The following AKR1B15 variants were observed in gnomAD, a reference collection of about 807,000 sequenced individuals.
AKR1B15 encodes aldo-keto reductase family 1 member B15, also known as estradiol 17-beta-dehydrogenase AKR1B15.
In AKR1B15, 49 loss-of-function variants were observed where a neutral mutation model predicts 38.5. The ratio of observed to expected loss-of-function variants is 1.27; its 90% CI spans 1.01 to 1.62. AKR1B15 has a LOEUF of 1.62. Among genes scored for constraint, AKR1B15 ranks in the 40% most tolerant of loss-of-function variants. The probability of loss-of-function intolerance (pLI) is 0.00; values close to 1 mark genes in which losing one functional copy is unlikely to be tolerated. For synonymous variants in AKR1B15, 137 were observed against 135.5 expected, an observed-to-expected ratio of 1.01 and a Z score of -0.08; for missense variants, 411 against 381.6, an observed-to-expected ratio of 1.08 and a Z score of -0.64.
intron 2 of AKR1B15, 55 bp from the exon 3 acceptor site, chr7:134,564,543 T>A: frequency 3.2e-6 from 2 of 617,892 alleles, no homozygotes; most frequent in Admixed American, 5.0e-5. Context: ...ATCTTGCTAT[T>A]ACTCACCTTT....
intron 6 of AKR1B15, 51 bp downstream of exon 6, chr7:134,571,732 C>T: frequency 7.2e-7 from 1 of 1,395,754 alleles, no homozygotes; most frequent in Non-Finnish European, 1.0e-6. Context: ...CTCAGTTATC[C>T]ATGAGATTCC....
intron 2 of AKR1B15, among the ~76,000 whole-genome samples, chr7:134,562,874 CTTT>C (rs1562947065): frequency 2.1e-4 from 29 of 138,954 alleles, no homozygotes; most frequent in East Asian, 1.6e-3. Flanking sequence ...TTCTTTCTTT[CTTT>C]CTTTCTTTCT....
chr7:134,565,290 GAAACTCCAGACACATCTGAAGGAAC>G, intron 3 of AKR1B15: 2 of 909,970 alleles, frequency 2.2e-6, no homozygotes, highest in Non-Finnish European at 1.6e-6. Flanking sequence ...CCAGAAGGGA[GAAACTCCAGACACATCTGAAGGAAC>G]AAACTCCAGA....
intron 6 of AKR1B15, among the ~76,000 whole-genome samples, chr7:134,572,687 A>T (rs1371003189): frequency 6.6e-6 from 1 of 152,006 alleles, no homozygotes; most frequent in African/African-American, 2.4e-5. Context: ...TGCTTCTCAG[A>T]TCAAACCCAT....
At chr7:134,576,750 T>A (rs1794775503) in intron 9 of AKR1B15, among the ~76,000 whole-genome samples, 1 of 151,644 alleles carries the variant, frequency 6.6e-6, no homozygotes, top group African/African-American at 2.4e-5. Flanking sequence ...CTTTCTTCAT[T>A]CCTAAAAAAG....
intron 10 of AKR1B15, among the ~76,000 whole-genome samples, chr7:134,577,397 G>A (rs893578703): frequency 6.6e-6 from 1 of 152,184 alleles, no homozygotes; most frequent in Non-Finnish European, 1.5e-5. Context: ...GAGGAGGTGT[G>A]AACTGTCCTT....
chr7:134,562,706 C>G (rs998011835), intron 2 of AKR1B15, among the ~76,000 whole-genome samples: 1 of 152,140 alleles, frequency 6.6e-6, no homozygotes, highest in Non-Finnish European at 1.5e-5. Context: ...GGCTACACCT[C>G]TCACCACCAC....
chr7:134,565,281 C>T, intron 3 of AKR1B15: 1 of 834,998 alleles, frequency 1.2e-6, no homozygotes, highest in Non-Finnish European at 1.8e-6. Flanking sequence ...ACAAACCCAC[C>T]AGAAGGGAGA....
chr7:134,575,840 T>C lies in AKR1B15; in HGVS notation c.656T>C (p.Leu219Pro). 6.2e-7 allele frequency: 1 copy of C among 1,613,806 alleles called. No homozygotes were observed. The highest frequency in any genetic ancestry group is 1.1e-5 in the South Asian group (1 of 91,066). Residue 219 changes from leucine to proline, a missense_variant, in exon 8 of 12, where the codon CTC (leucine) becomes CCC (proline). By Grantham distance (98) the Leu-to-Pro change is moderately conservative (BLOSUM62 -3). Around this residue, in one of 3 missense-constraint regions of AKR1B15, gnomAD observed 24 missense variants for 48.9 expected, o/e 0.49. Coordinates refer to ENST00000457545, the MANE Select transcript of AKR1B15 (RefSeq NM_001080538.3). ...TTGCAGGTTGAGTGTCACCCATACC[T>C]CACGCAGGAGAAACTGATCCAGTAC... ...VTNQVECHPY[L>P]TQEKLIQYCH...
At chr7:134,577,606 T>A in intron 10 of AKR1B15, 98 bp from the exon 11 acceptor site, 2 of 1,374,092 alleles carry the variant, frequency 1.5e-6, no homozygotes, top group South Asian at 1.3e-5. Context: ...CAGTTTGTGC[T>A]GTGAATGTGA....
Position 134,576,989 on chromosome 7 carries a change from G to T in AKR1B15, c.852G>T (p.Arg284Ser), listed in dbSNP as rs759907063. 3.7e-6 allele frequency: 6 copies of T among 1,613,800 alleles called. No homozygotes were observed. The South Asian group carries it at 6.6e-5, about 18-fold the overall frequency. Residue 284 changes from arginine to serine, a missense_variant, in exon 10 of 12, where the codon AGG (arginine) becomes AGT (serine). By Grantham distance (110) the Arg-to-Ser change is moderately radical (BLOSUM62 -1). This residue lies in a region of AKR1B15 where 133 missense variants were observed against 120.3 expected (regional missense o/e 1.11). Transcript: ENST00000457545. ...TTCTGATCCGTTTCCATATCCAGAGGAATGTGACAGTGATCCCCAAGTCTA... is the reference window on the plus strand; with the variant it reads ...TTCTGATCCGTTTCCATATCCAGAGTAATGTGACAGTGATCCCCAAGTCTA... ...AQVLIRFHIQRNVTVIPKSMT... is the reference protein window; with the variant it reads ...AQVLIRFHIQSNVTVIPKSMT...
intron 2 of AKR1B15, among the ~76,000 whole-genome samples, chr7:134,561,618 C>T (rs1238304541): frequency 1.3e-5 from 2 of 152,156 alleles, no homozygotes; most frequent in Admixed American, 6.5e-5. Context: ...TATGAGCTGT[C>T]GTAAGCCACA....
intron 6 of AKR1B15, 42 bp from the exon 7 acceptor site, chr7:134,575,378 G>A: frequency 6.2e-7 from 1 of 1,602,294 alleles, no homozygotes; most frequent in African/African-American, 1.3e-5. Flanking sequence ...GGTCCCTGTA[G>A]TCCCTCTAGA....
chr7:134,573,779 A>G (rs568535595), intron 6 of AKR1B15, among the ~76,000 whole-genome samples: 1 of 152,220 alleles, frequency 6.6e-6, no homozygotes, highest in Non-Finnish European at 1.5e-5. Flanking sequence ...AATCTATGCT[A>G]GTGGTTCTCA....
chr7:134,550,903 C>G (rs1793944885), intron 1 of AKR1B15, among the ~76,000 whole-genome samples: 1 of 152,166 alleles, frequency 6.6e-6, no homozygotes, highest in African/African-American at 2.4e-5. Context: ...CACAGCTGTT[C>G]AGGCTGTGTG....
intron 3 of AKR1B15, among the ~76,000 whole-genome samples, chr7:134,567,089 T>C (rs1182872692): frequency 6.6e-6 from 1 of 152,174 alleles, no homozygotes; most frequent in Admixed American, 6.5e-5. Context: ...GTATAGCGGT[T>C]GGGGTCACAG....
At position 134,568,252 on chromosome 7, in the gene AKR1B15, AG is replaced by A. The variant is rs1794586670; in HGVS notation, c.247del (p.Val83TrpfsTer14). ...DCAYFYENQHEVGEAIQEKIQ... is the reference protein window; with the variant it reads ...DCAYFYENQHXVGEAIQEKIQ... ...GCCTATTTCTATGAGAATCAACATGAGGTGGGAGAAGCCATCCAAGAGAAGA... is the reference window on the plus strand; with the variant it reads ...GCCTATTTCTATGAGAATCAACATGAGTGGGAGAAGCCATCCAAGAGAAGA... On this transcript the variant is annotated frameshift_variant, in exon 4 of 12. Transcript: ENST00000457545. LOFTEE classifies it high-confidence loss of function. 2 of 1,614,030 alleles carry A rather than the reference AG, an allele frequency of 1.2e-6. No individual in the cohort carries two copies. Among genetic ancestry groups the A allele is most frequent in the Admixed American group, 3.3e-5 (2 of 60,000 alleles).
At chr7:134,576,076 G>C in intron 8 of AKR1B15, 149 bp downstream of exon 8, 2 of 1,412,550 alleles carry the variant, frequency 1.4e-6, no homozygotes, top group Non-Finnish European at 1.9e-6. Context: ...GATGGCAGTG[G>C]GAAAAAATGG....
chr7:134,569,663 C>A, intron 5 of AKR1B15, 134 bp downstream of exon 5: 1 of 878,324 alleles, frequency 1.1e-6, no homozygotes, highest in South Asian at 1.8e-5. Flanking sequence ...TTTCTTAATT[C>A]CCCACATTAA....
Sources: gnomAD v4.1 joint callset for allele counts (sites outside exome capture counted in the v4.1 genomes callset) on GRCh38, gnomAD v4.1.1 for gene constraint, gnomAD v4.1.1 regional missense constraint, MANE v1.5 for transcripts, NCBI Gene and HGNC (gene_info 2026-07-23, HGNC 2026-07-21) for gene names.